Variants in THSD7B observed in about 807,000 individuals in gnomAD.
THSD7B encodes the protein thrombospondin type-1 domain-containing protein 7B.
THSD7B carries 138 observed loss-of-function variants against 213.6 expected under a neutral mutation model. The ratio of observed to expected loss-of-function variants is 0.65; its 90% CI spans 0.56 to 0.74. The LOEUF (loss-of-function observed/expected upper bound fraction) is 0.74. Among genes scored for constraint, THSD7B ranks in the 30% least tolerant of loss-of-function variants. THSD7B has a pLI of 0.00. For synonymous variants in THSD7B, 742 were observed against 687.0 expected (o/e 1.08, Z -1.25); for missense variants, 1,931 against 1,991.5 (o/e 0.97, Z 0.58).
intron 14 of THSD7B, among the ~76,000 whole-genome samples, chr2:137,417,107 A>T (rs761543772): frequency 6.6e-5 from 10 of 152,212 alleles, no homozygotes; most frequent in African/African-American, 2.4e-4. Flanking sequence ...ACTGTAATAT[A>T]TAAGTAGGTA....
intron 12 of THSD7B, among the ~76,000 whole-genome samples, chr2:137,395,646 C>G (rs993739492): frequency 1.3e-4 from 20 of 152,036 alleles, no homozygotes; most frequent in Non-Finnish European, 1.5e-5. Flanking sequence ...TGTCTCTGTC[C>G]AGCTTTGGTA....
chr2:137,557,359 A>G (rs1343624749), intron 15 of THSD7B, among the ~76,000 whole-genome samples: 1 of 152,252 alleles, frequency 6.6e-6, no homozygotes, highest in Non-Finnish European at 1.5e-5. Flanking sequence ...ACCACAGTGC[A>G]ATCAAACTAG....
chr2:136,767,786 C>T (rs1681433045), intron 1 of THSD7B, among the ~76,000 whole-genome samples: 1 of 152,186 alleles, frequency 6.6e-6, no homozygotes, highest in African/African-American at 2.4e-5. Flanking sequence ...CAGGAAAGGG[C>T]TGTCTACTGT....
intron 2 of THSD7B, among the ~76,000 whole-genome samples, chr2:136,903,924 A>T (rs1164335172): frequency 1.4e-4 from 17 of 117,452 alleles, no homozygotes; most frequent in Middle Eastern, 4.1e-3. Context: ...TCTTCCTGTG[A>T]GGTGTGTGTG....
At chr2:137,252,779 C>G (rs947217652) in intron 10 of THSD7B, among the ~76,000 whole-genome samples, 1 of 152,158 alleles carries the variant, frequency 6.6e-6, no homozygotes, top group African/African-American at 2.4e-5. Flanking sequence ...GTTGGCCTTT[C>G]CAACTGGTTC....
intron 1 of THSD7B, among the ~76,000 whole-genome samples, chr2:136,827,254 T>C (rs900290124): frequency 3.3e-5 from 5 of 152,220 alleles, no homozygotes; most frequent in African/African-American, 9.6e-5. Context: ...ATAGAGTACA[T>C]GCAATATCCA....
At chr2:136,912,199 A>G (rs1684270384) in intron 2 of THSD7B, among the ~76,000 whole-genome samples, 1 of 151,588 alleles carries the variant, frequency 6.6e-6, no homozygotes, top group African/African-American at 2.4e-5. Flanking sequence ...GTGGGCGCCC[A>G]TAATCCCAGC....
intron 12 of THSD7B, among the ~76,000 whole-genome samples, chr2:137,297,203 G>C (rs1056191642): frequency 6.7e-6 from 1 of 148,858 alleles, no homozygotes; most frequent in African/African-American, 2.5e-5. Flanking sequence ...AGAAGTGCTT[G>C]AGCTGAAGAG....
intron 14 of THSD7B, among the ~76,000 whole-genome samples, chr2:137,421,550 G>A (rs1686926249): frequency 6.6e-6 from 1 of 152,184 alleles, no homozygotes; most frequent in Non-Finnish European, 1.5e-5. Context: ...GAACTTCCAT[G>A]CTCTCCCTGG....
intron 17 of THSD7B, among the ~76,000 whole-genome samples, chr2:137,594,908 A>G (rs13408429): frequency 0.13 from 20,359 of 151,978 alleles, 1,846 homozygotes; most frequent in African/African-American, 0.25. Flanking sequence ...GATAGTGTTC[A>G]GTGTAGATGT....
intron 3 of THSD7B, among the ~76,000 whole-genome samples, chr2:137,077,091 C>T (rs1179341815): frequency 6.6e-6 from 1 of 150,622 alleles, no homozygotes; most frequent in Non-Finnish European, 1.5e-5. Flanking sequence ...TTTTTTTGTC[C>T]TTGAGATAGT....
intron 5 of THSD7B, among the ~76,000 whole-genome samples, chr2:137,131,856 A>G (rs1484912265): frequency 6.6e-6 from 1 of 152,040 alleles, no homozygotes. Flanking sequence ...TTGACTTGGC[A>G]ATGTGGGCTC....
At chr2:136,950,740 T>G (rs1029294251) in intron 2 of THSD7B, among the ~76,000 whole-genome samples, 3 of 152,200 alleles carry the variant, frequency 2.0e-5, no homozygotes, top group African/African-American at 7.2e-5. Context: ...AGAGGAAATC[T>G]AAGCACAGAT....
At chr2:136,847,037 C>G (rs950076712) in intron 1 of THSD7B, among the ~76,000 whole-genome samples, 1 of 151,918 alleles carries the variant, frequency 6.6e-6, no homozygotes, top group African/African-American at 2.4e-5. Context: ...TTTTTCCAAT[C>G]TAGAAGACTT....
chr2:136,830,472 C>T (rs1682734847), intron 1 of THSD7B, among the ~76,000 whole-genome samples: 1 of 151,944 alleles, frequency 6.6e-6, no homozygotes, highest in African/African-American at 2.4e-5. Flanking sequence ...TTTTCTTCTG[C>T]CTTCATTATT....
intron 7 of THSD7B, among the ~76,000 whole-genome samples, chr2:137,177,127 AC>A (rs34868625): frequency 6.6e-6 from 1 of 152,184 alleles, no homozygotes; most frequent in Non-Finnish European, 1.5e-5. Context: ...ATTTTGAACA[AC>A]CCTCAGTCTT....
intron 12 of THSD7B, among the ~76,000 whole-genome samples, chr2:137,285,332 G>A (rs1273705145): frequency 3.9e-5 from 6 of 152,112 alleles, no homozygotes; most frequent in African/African-American, 1.4e-4. Context: ...ATAGCACACG[G>A]ATGGGTCTTG....
intron 12 of THSD7B, among the ~76,000 whole-genome samples, chr2:137,390,655 TG>T (rs1247918366): frequency 1.3e-5 from 2 of 152,226 alleles, no homozygotes; most frequent in Non-Finnish European, 2.9e-5. Flanking sequence ...TTTAGTATGA[TG>T]TTAGCTCTCA....
intron 1 of THSD7B, among the ~76,000 whole-genome samples, chr2:136,787,437 A>G (rs1045644587): frequency 6.6e-6 from 1 of 152,154 alleles, no homozygotes; most frequent in Admixed American, 6.5e-5. Context: ...AATATTTCTC[A>G]GGCCGCTGGA....
Sources: gnomAD v4.1 joint callset for allele counts (sites outside exome capture counted in the v4.1 genomes callset) on GRCh38, gnomAD v4.1.1 for gene constraint, MANE v1.5 for transcripts, NCBI Gene and HGNC (gene_info 2026-07-23, HGNC 2026-07-21) for gene names.